The following DTNA variants were observed in gnomAD, a reference collection of about 807,000 sequenced individuals.
DTNA encodes the protein dystrobrevin alpha, also known as dystrophin-related protein 3.
In DTNA, 43 loss-of-function variants were observed where a neutral mutation model predicts 100.7. That is an observed-to-expected ratio of 0.43 (90% CI 0.33 to 0.55). DTNA has a LOEUF of 0.55. DTNA is among the 20% of genes least tolerant of loss of function. The probability of loss-of-function intolerance (pLI) is 0.04; values close to 1 mark genes in which losing one functional copy is unlikely to be tolerated. For missense variants in DTNA, 798 were observed against 953.9 expected (o/e 0.84, Z 2.15); for synonymous variants, 349 against 347.9 (o/e 1.00, Z -0.04).
intron 1 of DTNA, among the ~76,000 whole-genome samples, chr18:34,554,675 A>G (rs1197559579): frequency 6.8e-6 from 1 of 148,060 alleles, no homozygotes; most frequent in Non-Finnish European, 1.5e-5. Context: ...GCTGGATTAC[A>G]TTTATTGATT....
At chr18:34,551,248 A>G (rs1483065911) in intron 1 of DTNA, among the ~76,000 whole-genome samples, 1 of 152,126 alleles carries the variant, frequency 6.6e-6, no homozygotes, top group Non-Finnish European at 1.5e-5. Context: ...TGTCTCATTC[A>G]TATGAAGGCC....
At chr18:34,886,971 C>A (rs1166503995) in intron 22 of DTNA, among the ~76,000 whole-genome samples, 1 of 152,138 alleles carries the variant, frequency 6.6e-6, no homozygotes, top group Non-Finnish European at 1.5e-5. Flanking sequence ...TACTGCAAGA[C>A]CAGAAATTAT....
At chr18:34,863,798 C>T (rs1404276103) in intron 16 of DTNA, among the ~76,000 whole-genome samples, 168 bp from the exon 17 acceptor site, 37 of 152,234 alleles carry the variant, frequency 2.4e-4, no homozygotes, top group Admixed American at 2.4e-3. Flanking sequence ...AAAAGAAACA[C>T]TTCCAGCTGT....
intron 2 of DTNA, among the ~76,000 whole-genome samples, chr18:34,761,401 C>T (rs1027536247): frequency 2.5e-4 from 38 of 151,906 alleles, no homozygotes; most frequent in African/African-American, 8.9e-4. Flanking sequence ...AAGCTAAAAC[C>T]AAAAGTTAGA....
chr18:34,683,812 T>G (rs2078464383), intron 1 of DTNA: 1 of 152,108 alleles, frequency 6.6e-6, no homozygotes, highest in Non-Finnish European at 1.5e-5. Flanking sequence ...TTCTCCAGCT[T>G]TTGGAAATAG....
chr18:34,617,540 G>T (rs1302480428), intron 1 of DTNA, among the ~76,000 whole-genome samples: 1 of 152,040 alleles, frequency 6.6e-6, no homozygotes, highest in South Asian at 2.1e-4. Context: ...ATTTCCTTGA[G>T]GATTTTTGCA....
At chr18:34,603,103 T>TC (rs2052307387) in intron 1 of DTNA, among the ~76,000 whole-genome samples, 1 of 151,502 alleles carries the variant, frequency 6.6e-6, no homozygotes, top group Admixed American at 6.6e-5. Flanking sequence ...GTGCCTGTAG[T>TC]TCCAATCAGG....
intron 1 of DTNA, among the ~76,000 whole-genome samples, chr18:34,510,338 G>T (rs1404087053): frequency 6.6e-6 from 1 of 151,770 alleles, no homozygotes; most frequent in Non-Finnish European, 1.5e-5. Flanking sequence ...ACCCCGACTA[G>T]CATCTAGCAT....
intron 1 of DTNA, among the ~76,000 whole-genome samples, chr18:34,648,663 G>A (rs2060119982): frequency 6.6e-6 from 1 of 152,160 alleles, no homozygotes; most frequent in African/African-American, 2.4e-5. Context: ...GATTCTTTTA[G>A]AAGCTTTGTT....
chr18:34,822,960 A>G (rs2095762344), intron 9 of DTNA, among the ~76,000 whole-genome samples: 1 of 152,236 alleles, frequency 6.6e-6, no homozygotes, highest in South Asian at 2.1e-4. Flanking sequence ...TAATTTTAAA[A>G]TGCAAATTGT....
chr18:34,650,882 A>G (rs1042041145), intron 1 of DTNA, among the ~76,000 whole-genome samples: 4 of 152,190 alleles, frequency 2.6e-5, no homozygotes, highest in Admixed American at 1.3e-4. Context: ...AATTTATTAT[A>G]GTTCTACTAC....
chr18:34,696,345 G>T (rs1221042004), intron 1 of DTNA, among the ~76,000 whole-genome samples: 1 of 152,138 alleles, frequency 6.6e-6, no homozygotes, highest in Non-Finnish European at 1.5e-5. Context: ...TTGAGAGGCC[G>T]AGGCGGGCGG....
chr18:34,622,022 G>A (rs1174848642), intron 1 of DTNA, among the ~76,000 whole-genome samples: 1 of 152,118 alleles, frequency 6.6e-6, no homozygotes, highest in Non-Finnish European at 1.5e-5. Flanking sequence ...GAGGAATTGG[G>A]AGATATTGTC....
At chr18:34,538,151 A>G (rs976346889) in intron 1 of DTNA, among the ~76,000 whole-genome samples, 2 of 152,056 alleles carry the variant, frequency 1.3e-5, no homozygotes, top group Non-Finnish European at 2.9e-5. Context: ...ACAAAGGAAT[A>G]GACAAAGTTA....
chr18:34,512,530 T>A (rs1319342715), intron 1 of DTNA, among the ~76,000 whole-genome samples: 4 of 152,034 alleles, frequency 2.6e-5, no homozygotes, highest in Non-Finnish European at 4.4e-5. Flanking sequence ...GCATAAACAT[T>A]AACCTTCCAT....
chr18:34,797,983 CT>C (rs2095052482), intron 4 of DTNA, among the ~76,000 whole-genome samples: 4 of 150,254 alleles, frequency 2.7e-5, no homozygotes, highest in Non-Finnish European at 6.0e-5. Flanking sequence ...TTTCTGAGCT[CT>C]TGTCGTACTA....
At chr18:34,662,860 G>A (rs1179554606) in intron 1 of DTNA, 1 of 152,078 alleles carries the variant, frequency 6.6e-6, no homozygotes, top group Non-Finnish European at 1.5e-5. Flanking sequence ...TTAGGACAAC[G>A]GTTCTCAAAA....
chr18:34,729,487 C>CAGCAG (rs1458842396), intron 1 of DTNA, among the ~76,000 whole-genome samples: 1 of 152,206 alleles, frequency 6.6e-6, no homozygotes, highest in Non-Finnish European at 1.5e-5. Flanking sequence ...CTCTCTCCTT[C>CAGCAG]AGAACCCCGC....
At chr18:34,715,901 T>A (rs2083951640) in intron 1 of DTNA, among the ~76,000 whole-genome samples, 1 of 152,158 alleles carries the variant, frequency 6.6e-6, no homozygotes, top group Non-Finnish European at 1.5e-5. Flanking sequence ...ATCTACAAAT[T>A]AAACACATGT....
Sources: allele counts gnomAD v4.1 joint callset (sites outside exome capture counted in the v4.1 genomes callset), GRCh38; gene constraint gnomAD v4.1.1; transcripts MANE v1.5; gene names NCBI Gene and HGNC (gene_info 2026-07-23, HGNC 2026-07-21).